The following GNAQ variants were observed in gnomAD, a reference collection of about 807,000 sequenced individuals.
GNAQ encodes the protein G protein subunit alpha q, also known as guanine nucleotide-binding protein G(q) subunit alpha.
GNAQ carries 8 observed loss-of-function variants against 43.9 expected under a neutral mutation model. That is an observed-to-expected ratio of 0.18 (90% CI 0.11 to 0.33). The LOEUF is 0.33. GNAQ is among the 10% of genes least tolerant of loss of function. The pLI, the probability that GNAQ is intolerant of heterozygous loss-of-function variation, is 1.00. For synonymous variants in GNAQ, 155 were observed against 170.7 expected, an observed-to-expected ratio of 0.91 and a Z score of 0.71; for missense variants, 158 against 450.8, an observed-to-expected ratio of 0.35 and a Z score of 5.88.
chr9:77,814,228 TTATA>T (rs1826975751), intron 3 of GNAQ, among the ~76,000 whole-genome samples: 3 of 151,830 alleles, frequency 2.0e-5, no homozygotes, highest in African/African-American at 7.3e-5. Context: ...TCACAGAAAC[TTATA>T]CAGTGGGAGC....
In GNAQ at chr9:77,800,239, C is replaced by T. The variant is rs907913671; in HGVS notation, c.477-2591G>A. ...CATTACTGGGTATATACCCAAAGGACTATAAATCATGCTGCTATAAAGACA... is the reference window on the plus strand; with the variant it reads ...CATTACTGGGTATATACCCAAAGGATTATAAATCATGCTGCTATAAAGACA... On this transcript the variant is annotated intron_variant, in intron 3 of 6. Coordinates refer to ENST00000286548, the MANE Select transcript of GNAQ (RefSeq NM_002072.5). Among the ~76,000 whole-genome samples, 14 of 151,650 alleles carry T rather than the reference C, an allele frequency of 9.2e-5. No individual in the cohort carries two copies. In the East Asian group the frequency reaches 2.3e-3, roughly 25 times the overall value.
At chr9:77,922,700 A>G (rs1245063447) in intron 1 of GNAQ, among the ~76,000 whole-genome samples, 1 of 152,224 alleles carries the variant, frequency 6.6e-6, no homozygotes, top group Admixed American at 6.5e-5. Context: ...TTCCCTGGAG[A>G]ATATCTGAAA....
At chr9:77,722,390 G>A (rs1825330740) in intron 6 of GNAQ, among the ~76,000 whole-genome samples, 1 of 151,996 alleles carries the variant, frequency 6.6e-6, no homozygotes, top group Non-Finnish European at 1.5e-5. Flanking sequence ...ACCCGCCTTG[G>A]CCTCCCAAAG....
At chr9:77,897,408 G>C (rs1453317637) in intron 2 of GNAQ, among the ~76,000 whole-genome samples, 2 of 152,184 alleles carry the variant, frequency 1.3e-5, no homozygotes, top group East Asian at 3.8e-4. Flanking sequence ...AACCAGCAAG[G>C]ACTGTCTACA....
At chr9:77,873,336 C>T (rs1450730046) in intron 2 of GNAQ, among the ~76,000 whole-genome samples, 1 of 152,122 alleles carries the variant, frequency 6.6e-6, no homozygotes, top group Admixed American at 6.5e-5. Context: ...TAACTTTACC[C>T]CCAAGGGAAA....
chr9:77,771,941 A>G (rs1238619887), intron 5 of GNAQ, among the ~76,000 whole-genome samples: 2 of 152,112 alleles, frequency 1.3e-5, no homozygotes, highest in African/African-American at 2.4e-5. Flanking sequence ...AAGGCTGAGG[A>G]GCCAGCTAAT....
chr9:77,760,894 T>C (rs1447501159), intron 5 of GNAQ, among the ~76,000 whole-genome samples: 7 of 134,570 alleles, frequency 5.2e-5, no homozygotes, highest in East Asian at 4.6e-4. Context: ...CTCTGCCCGG[T>C]CGCGACCCCG....
At chr9:78,022,212 A>C (rs904590623) in intron 1 of GNAQ, among the ~76,000 whole-genome samples, 8 of 152,184 alleles carry the variant, frequency 5.3e-5, no homozygotes, top group Admixed American at 1.3e-4. Flanking sequence ...TCACTGCTGG[A>C]GACAGCAGCA....
At chr9:77,785,969 A>C (rs1262463248) in intron 5 of GNAQ, among the ~76,000 whole-genome samples, 1 of 152,214 alleles carries the variant, frequency 6.6e-6, no homozygotes, top group Non-Finnish European at 1.5e-5. Context: ...GATAACTTTT[A>C]TACTGGTATA....
At chr9:77,959,096 C>A (rs980458067) in intron 1 of GNAQ, among the ~76,000 whole-genome samples, 7 of 152,104 alleles carry the variant, frequency 4.6e-5, no homozygotes, top group African/African-American at 1.7e-4. Flanking sequence ...ATTAGAATCA[C>A]GCAAGGAGAG....
chr9:77,876,895 T>C (rs866693532), intron 2 of GNAQ, among the ~76,000 whole-genome samples: 29 of 152,158 alleles, frequency 1.9e-4, no homozygotes, highest in Non-Finnish European at 3.2e-4. Context: ...CTTTATCTCT[T>C]AGCCACAAAA....
rs532366915 is a variant in GNAQ at position 77,773,991 on chromosome 9, T to G, written c.735+20472A>C. ...TCCCTGCTAAAAGACAAATTCTTCT[T>G]CTTCTTTTTTTTTTTTAAAAAGGAA... On this transcript the variant is annotated intron_variant, in intron 5 of 6. Coordinates refer to ENST00000286548, the MANE Select transcript of GNAQ (RefSeq NM_002072.5). Among the ~76,000 whole-genome samples, 17 of 151,338 alleles carry G rather than the reference T, an allele frequency of 1.1e-4. 1 individual carries two copies. In the East Asian group the frequency reaches 3.3e-3, roughly 29 times the overall value.
At chr9:78,030,202 C>T (rs1231140295) in intron 1 of GNAQ, among the ~76,000 whole-genome samples, 1 of 152,198 alleles carries the variant, frequency 6.6e-6, no homozygotes, top group East Asian at 1.9e-4. Context: ...AACTGAGAGA[C>T]TGCACTGGTT....
chr9:78,014,378 A>T (rs1823811396), intron 1 of GNAQ, among the ~76,000 whole-genome samples: 1 of 152,158 alleles, frequency 6.6e-6, no homozygotes, highest in South Asian at 2.1e-4. Context: ...TAATCCCAAC[A>T]TTTTGGCAGG....
intron 5 of GNAQ, among the ~76,000 whole-genome samples, chr9:77,780,579 G>A (rs1826378986): frequency 6.6e-6 from 1 of 151,916 alleles, no homozygotes; most frequent in South Asian, 2.1e-4. Context: ...ACATGGGGGT[G>A]CAGATCTCTC....
At chr9:77,732,601 A>G (rs1056278859) in intron 5 of GNAQ, among the ~76,000 whole-genome samples, 3 of 152,134 alleles carry the variant, frequency 2.0e-5, no homozygotes, top group African/African-American at 7.2e-5. Context: ...CCTGACCTCA[A>G]GTGATCTGCC....
At chr9:78,014,130 C>T (rs1823807962) in intron 1 of GNAQ, among the ~76,000 whole-genome samples, 2 of 151,908 alleles carry the variant, frequency 1.3e-5, no homozygotes, top group Admixed American at 1.3e-4. Context: ...CACAACAAAC[C>T]CAATACAAAT....
chr9:77,939,108 G>A (rs994867936), intron 1 of GNAQ, among the ~76,000 whole-genome samples: 2 of 152,178 alleles, frequency 1.3e-5, no homozygotes, highest in Admixed American at 6.5e-5. Context: ...ACCTTCCAGT[G>A]TCACTTCTTT....
chr9:77,811,426 A>G (rs1263832056), intron 3 of GNAQ, among the ~76,000 whole-genome samples: 2 of 152,174 alleles, frequency 1.3e-5, no homozygotes, highest in Non-Finnish European at 2.9e-5. Flanking sequence ...TACACAAAAA[A>G]GTCAGAAAGG....
Sources: allele counts gnomAD v4.1 joint callset (sites outside exome capture counted in the v4.1 genomes callset), GRCh38; gene constraint gnomAD v4.1.1; transcripts MANE v1.5; gene names NCBI Gene and HGNC (gene_info 2026-07-23, HGNC 2026-07-21).